The following PPP1CB variants were observed in gnomAD, a reference collection of about 807,000 sequenced individuals.
PPP1CB encodes the protein protein phosphatase 1 catalytic subunit beta.
A neutral mutation model predicts 43.7 loss-of-function variants in PPP1CB; 2 were observed. That is an observed-to-expected ratio of 0.05 (90% confidence interval 0.02 to 0.14). PPP1CB has a LOEUF of 0.14. Ranked by LOEUF, PPP1CB falls within the 10% of genes least tolerant of loss-of-function variation. The pLI, the probability that PPP1CB is intolerant of heterozygous loss-of-function variation, is 1.00. For missense variants in PPP1CB, 84 were observed against 398.0 expected, an observed-to-expected ratio of 0.21 and a Z score of 6.71; for synonymous variants, 136 against 135.6, an observed-to-expected ratio of 1.00 and a Z score of -0.02.
rs921016322 is a variant in PPP1CB, at chr2:28,751,893, G to A, written c.-232G>A. On this transcript the variant is annotated 5_prime_UTR_variant, in exon 1 of 8. Transcript: ENST00000395366. ...CTGGGTCTGACGCGGCCCTGTTCGA[G>A]GGGGCCTCTCTTGTTTATTTATTTA... is the stretch of plus-strand genomic sequence containing the variant. 1.7e-6 allele frequency: 1 copy of A among 602,764 alleles called. No individual in the cohort carries two copies. Among genetic ancestry groups the A allele is most frequent in the African/African-American group, 1.9e-5 (1 of 53,736 alleles). The allele number at this position is 602,764 out of a possible 1,614,324, so 37.3% of individuals were successfully genotyped here.
rs1667624003 is a variant in PPP1CB at position 28,801,808 on chromosome 2, GGAT to G, written c.*2506_*2508del. On this transcript the variant is annotated 3_prime_UTR_variant, in exon 8 of 8. Transcript: ENST00000395366. ...TCTGTTATAATGTGGTGTATCACATGGATTATAAAGCAAAGTTATGGTCGATTT... is the reference window on the plus strand; with the variant it reads ...TCTGTTATAATGTGGTGTATCACATGTATAAAGCAAAGTTATGGTCGATTT... 6.6e-6 allele frequency: 1 copy of G among 152,044 alleles called. No individual in the cohort carries two copies. The highest frequency in any genetic ancestry group is 6.6e-5 in the Admixed American group (1 of 15,262). 9.4% of individuals were successfully genotyped at this position (152,044 alleles called of 1,614,324 possible).
At chr2:28,768,594 A>G (rs1216137314) in intron 1 of PPP1CB, among the ~76,000 whole-genome samples, 1 of 152,220 alleles carries the variant, frequency 6.6e-6, no homozygotes, top group African/African-American at 2.4e-5. Context: ...TGGCCCCATC[A>G]TGACCACTGC....
In PPP1CB at chr2:28,751,949, G is replaced by C; in HGVS notation, c.-176G>C. The C allele has an allele frequency of 1.5e-6, 1 of 657,890 alleles. No homozygotes were observed. Among genetic ancestry groups the C allele is most frequent in the Non-Finnish European group, 2.7e-6 (1 of 366,620 alleles). The allele number at this position is 657,890 out of a possible 1,614,324, so 40.8% of individuals were successfully genotyped here. ...CGTGGGTGCCTCCGAGTGTGCGCGC[G>C]CTCTCGCTACCCGGCGGGGAGGGGG... On this transcript the variant is annotated 5_prime_UTR_variant, in exon 1 of 8. Coordinates refer to ENST00000395366, the MANE Select transcript of PPP1CB (RefSeq NM_002709.3).
At chr2:28,764,199 G>A (rs1312304427) in intron 1 of PPP1CB, among the ~76,000 whole-genome samples, 1 of 151,844 alleles carries the variant, frequency 6.6e-6, no homozygotes, top group Non-Finnish European at 1.5e-5. Context: ...GGTGGCTCAC[G>A]CCTGTAATCC....
At chr2:28,778,354 T>C (rs768429933) in intron 2 of PPP1CB, 2 of 470,864 alleles carry the variant, frequency 4.2e-6, no homozygotes, top group South Asian at 3.1e-5. Context: ...GGGTCAGGAA[T>C]TCAGGAACAG....
chr2:28,796,596 A>C (rs1188213728), intron 7 of PPP1CB, among the ~76,000 whole-genome samples: 1 of 152,054 alleles, frequency 6.6e-6, no homozygotes, highest in African/African-American at 2.4e-5. Context: ...GATGTATAGA[A>C]ATGCTACTGG....
At position 28,781,878 on chromosome 2, in the gene PPP1CB, T is replaced by C. The variant is rs766846020; in HGVS notation, c.520+36T>C. 5.6e-6 allele frequency: 8 copies of C among 1,429,392 alleles called. No individual in the cohort carries two copies. In the South Asian group the frequency reaches 5.8e-5, roughly 10 times the overall value. The allele number at this position is 1,429,392 out of a possible 1,614,324, so 88.5% of individuals were successfully genotyped here. A position where few individuals can be genotyped will look rare whatever the true frequency, so the allele number is the denominator to read the frequency against. On this transcript the variant is annotated intron_variant, in intron 4 of 7. Coordinates refer to ENST00000395366, the MANE Select transcript of PPP1CB (RefSeq NM_002709.3). ...AAATTTGCCTTACAGATTTTTTTTT[T>C]CTTCTATTATTCGGAAAATACCTAT...
intron 1 of PPP1CB, among the ~76,000 whole-genome samples, chr2:28,769,152 T>C (rs554695474): frequency 1.0e-3 from 153 of 152,324 alleles, no homozygotes; most frequent in Middle Eastern, 6.8e-3. Context: ...TGATGGCTGA[T>C]CTATCACCTG....
At chr2:28,784,128 G>A (rs916469083) in intron 5 of PPP1CB, 150 bp downstream of exon 5, 6 of 553,640 alleles carry the variant, frequency 1.1e-5, no homozygotes, top group South Asian at 2.9e-5. Context: ...TTTATTTGCA[G>A]TAATACACAA....
chr2:28,755,397 A>G (rs964042984), intron 1 of PPP1CB, among the ~76,000 whole-genome samples: 2 of 152,210 alleles, frequency 1.3e-5, no homozygotes, highest in Non-Finnish European at 2.9e-5. Context: ...ATGCCATTTA[A>G]TGTAAAACAG....
At chr2:28,763,090 GAA>G (rs1558298265) in intron 1 of PPP1CB, among the ~76,000 whole-genome samples, 1 of 152,122 alleles carries the variant, frequency 6.6e-6, no homozygotes, top group African/African-American at 2.4e-5. Context: ...AGTGTTTAGT[GAA>G]AAAAAGTGTC....
At chr2:28,777,449 G>T (rs993959787) in intron 2 of PPP1CB, among the ~76,000 whole-genome samples, 30 of 152,082 alleles carry the variant, frequency 2.0e-4, no homozygotes, top group Non-Finnish European at 8.8e-5. Flanking sequence ...ACACTGGTTA[G>T]AAAAAAATAG....
chr2:28,784,508 C>T (rs913766542), intron 5 of PPP1CB, among the ~76,000 whole-genome samples: 2 of 152,050 alleles, frequency 1.3e-5, no homozygotes, highest in Non-Finnish European at 2.9e-5. Flanking sequence ...AAGCAATCCT[C>T]CTGCCTCTTC....
chr2:28,794,707 C>G (rs1220705259), intron 7 of PPP1CB, among the ~76,000 whole-genome samples: 1 of 152,066 alleles, frequency 6.6e-6, no homozygotes, highest in South Asian at 2.1e-4. Context: ...AAAATAGTTT[C>G]CTGAGGAAAA....
At chr2:28,770,386 G>T (rs1475385370) in intron 1 of PPP1CB, among the ~76,000 whole-genome samples, 1 of 144,386 alleles carries the variant, frequency 6.9e-6, no homozygotes, top group Non-Finnish European at 1.5e-5. Context: ...AAAAAAGGGG[G>T]GGGGGAGGGG....
intron 6 of PPP1CB, among the ~76,000 whole-genome samples, chr2:28,790,979 T>C (rs1483148543): frequency 2.0e-5 from 3 of 152,252 alleles, no homozygotes; most frequent in Non-Finnish European, 4.4e-5. Flanking sequence ...GATTGTGTAC[T>C]CTAAGGAAGG....
chr2:28,763,703 G>A (rs1015366692), intron 1 of PPP1CB, among the ~76,000 whole-genome samples: 14 of 53,846 alleles, frequency 2.6e-4, no homozygotes, highest in African/African-American at 6.6e-4. Context: ...CTGAATCCAC[G>A]TTAGTTATTC....
intron 6 of PPP1CB, among the ~76,000 whole-genome samples, chr2:28,791,061 A>T (rs1667374032): frequency 6.6e-6 from 1 of 152,206 alleles, no homozygotes; most frequent in South Asian, 2.1e-4. Context: ...TATCATGCAC[A>T]TACAGTGTTG....
At chr2:28,763,622 A>G (rs1338237385) in intron 1 of PPP1CB, among the ~76,000 whole-genome samples, 1 of 152,116 alleles carries the variant, frequency 6.6e-6, no homozygotes, top group Non-Finnish European at 1.5e-5. Context: ...TCAGAAAAAT[A>G]TTTTTACATA....
Sources: allele counts gnomAD v4.1 joint callset (sites outside exome capture counted in the v4.1 genomes callset), GRCh38; gene constraint gnomAD v4.1.1; transcripts MANE v1.5; gene names NCBI Gene and HGNC (gene_info 2026-07-23, HGNC 2026-07-21).